The following SRGAP1 variants were observed in gnomAD, a reference collection of about 807,000 sequenced individuals.
SRGAP1 encodes the protein SLIT-ROBO Rho GTPase activating protein 1, also known as SLIT-ROBO Rho GTPase-activating protein 1.
SRGAP1 carries 43 observed loss-of-function variants against 121.9 expected under a neutral mutation model. The observed-to-expected ratio is 0.35, with a 90% CI of 0.28 to 0.46. SRGAP1 has a LOEUF of 0.46. Among genes scored for constraint, SRGAP1 ranks in the 20% least tolerant of loss-of-function variants. The pLI is 1.00. For missense variants in SRGAP1, 1,102 were observed against 1,350.9 expected, an observed-to-expected ratio of 0.82 and a Z score of 2.89; for synonymous variants, 447 against 485.4, an observed-to-expected ratio of 0.92 and a Z score of 1.04.
At chr12:63,916,356 A>C (rs1189448673) in intron 1 of SRGAP1, among the ~76,000 whole-genome samples, 1 of 152,132 alleles carries the variant, frequency 6.6e-6, no homozygotes, top group East Asian at 1.9e-4. Flanking sequence ...CTTCATTACA[A>C]ATCAGGCAGA....
chr12:63,921,886 TG>T (rs1478988349), intron 1 of SRGAP1, among the ~76,000 whole-genome samples: 1 of 152,194 alleles, frequency 6.6e-6, no homozygotes, highest in Non-Finnish European at 1.5e-5. Flanking sequence ...AAAAACTTGC[TG>T]GAAAGAGTCT....
intron 15 of SRGAP1, among the ~76,000 whole-genome samples, chr12:64,103,312 C>G (rs1159974143): frequency 6.6e-6 from 1 of 152,206 alleles, no homozygotes; most frequent in Non-Finnish European, 1.5e-5. Flanking sequence ...CCACGCCATA[C>G]TGGCTCTTCA....
At chr12:63,861,302 A>ATATATATAT (rs1184711599) in intron 1 of SRGAP1, among the ~76,000 whole-genome samples, 122 of 132,620 alleles carry the variant, frequency 9.2e-4, no homozygotes, top group East Asian at 4.8e-3. Flanking sequence ...ATATATATAT[A>ATATATATAT]TTTTTTTTTT....
At chr12:64,102,310 A>G (rs2036269181) in intron 15 of SRGAP1, among the ~76,000 whole-genome samples, 1 of 152,198 alleles carries the variant, frequency 6.6e-6, no homozygotes, top group Non-Finnish European at 1.5e-5. Flanking sequence ...AACAAATCGT[A>G]ATTTCTCTAC....
At position 64,111,775 on chromosome 12, in the gene SRGAP1, A is replaced by G; in HGVS notation, c.1933A>G (p.Ser645Gly). 1.2e-6 allele frequency: 2 copies of G among 1,611,914 alleles called. No individual in the cohort carries two copies. The highest frequency in any genetic ancestry group is 1.1e-5 in the South Asian group (1 of 90,890). The change falls in exon 17 of 22, where the codon AGC becomes GGC. Residue 645 changes from serine to glycine, a missense_variant. Transcript: ENST00000355086. ...TTCCTTTTGTAGTCTATCACAGTACAGCGATGAGAATATGATGGACCCTTA... is the reference window on the plus strand; with the variant it reads ...TTCCTTTTGTAGTCTATCACAGTACGGCGATGAGAATATGATGGACCCTTA... ...FAFLNHLSQY[S>G]DENMMDPYNL... is the part of the protein sequence containing the mutation.
intron 4 of SRGAP1, among the ~76,000 whole-genome samples, chr12:64,017,812 T>G (rs1250022474): frequency 1.3e-5 from 2 of 152,164 alleles, no homozygotes; most frequent in African/African-American, 4.8e-5. Context: ...TGCAATAATT[T>G]GCTTTTGTGA....
At chr12:63,910,419 A>G (rs1452409913) in intron 1 of SRGAP1, among the ~76,000 whole-genome samples, 4 of 152,132 alleles carry the variant, frequency 2.6e-5, no homozygotes, top group Non-Finnish European at 5.9e-5. Flanking sequence ...ATAATCTGCT[A>G]TTGTCTTTAG....
rs140559439 is a variant in SRGAP1, at chr12:64,030,950, T to C, written c.490-11840T>C. 2.2e-4 allele frequency among the ~76,000 whole-genome samples: 34 copies of C among 152,350 alleles called. No individual in the cohort carries two copies. The East Asian group carries it at 6.4e-3, about 28-fold the overall frequency. On this transcript the variant is annotated intron_variant, in intron 4 of 21. Transcript: ENST00000355086. ...TGGCATAGCACAGTGGACTCCTTGCTGTCTCAGGTCAACAGAACCAGAAGG... is the reference window on the plus strand; with the variant it reads ...TGGCATAGCACAGTGGACTCCTTGCCGTCTCAGGTCAACAGAACCAGAAGG...
At chr12:63,982,388 G>T (rs1380690425) in intron 1 of SRGAP1, 1 of 152,088 alleles carries the variant, frequency 6.6e-6, no homozygotes, top group African/African-American at 2.4e-5. Flanking sequence ...TTTGTAAAAT[G>T]GAAGATAATA....
intron 1 of SRGAP1, among the ~76,000 whole-genome samples, chr12:63,947,124 A>C (rs914293243): frequency 2.4e-4 from 37 of 152,206 alleles, no homozygotes; most frequent in African/African-American, 8.7e-4. Flanking sequence ...CATTATGTGG[A>C]TATCCTCTTT....
At chr12:63,856,257 T>A (rs1899246325) in intron 1 of SRGAP1, among the ~76,000 whole-genome samples, 2 of 67,560 alleles carry the variant, frequency 3.0e-5, no homozygotes, top group Admixed American at 2.9e-4. Flanking sequence ...CGTCTCTAAA[T>A]AAATAAATAA....
chr12:63,945,635 G>T (rs556579156), intron 1 of SRGAP1, among the ~76,000 whole-genome samples: 1 of 152,290 alleles, frequency 6.6e-6, no homozygotes, highest in Admixed American at 6.5e-5. Flanking sequence ...AATGTTGTAG[G>T]ATACTGTCAC....
At chr12:63,872,300 A>G (rs1440058485) in intron 1 of SRGAP1, among the ~76,000 whole-genome samples, 2 of 152,228 alleles carry the variant, frequency 1.3e-5, no homozygotes, top group African/African-American at 4.8e-5. Context: ...AGGAGAAAAC[A>G]TTTTGTAAAA....
chr12:63,957,603 G>T (rs907218423), intron 1 of SRGAP1, among the ~76,000 whole-genome samples: 2 of 152,098 alleles, frequency 1.3e-5, no homozygotes, highest in Non-Finnish European at 2.9e-5. Flanking sequence ...TCTATAAAAT[G>T]CTGCTCGTCC....
intron 1 of SRGAP1, among the ~76,000 whole-genome samples, chr12:63,907,078 A>G (rs2030248806): frequency 6.6e-6 from 1 of 152,126 alleles, no homozygotes; most frequent in African/African-American, 2.4e-5. Context: ...ACTTGTTATT[A>G]TCTGACTTTT....
intron 1 of SRGAP1, among the ~76,000 whole-genome samples, chr12:63,857,444 TG>T (rs1425548482): frequency 6.6e-6 from 1 of 151,738 alleles, no homozygotes; most frequent in Non-Finnish European, 1.5e-5. Context: ...TGCAGTGGCA[TG>T]GTCTCGGCTC....
At chr12:64,131,534 G>T (rs985550977) in intron 21 of SRGAP1, among the ~76,000 whole-genome samples, 1 of 152,190 alleles carries the variant, frequency 6.6e-6, no homozygotes, top group Non-Finnish European at 1.5e-5. Context: ...TCCACTTTCG[G>T]GTGGTGCCTG....
rs2037208538 is a variant in SRGAP1 at position 64,161,416 on chromosome 12, A to G, written c.*18744A>G. 1 of 152,152 alleles carries G rather than the reference A, an allele frequency of 6.6e-6. No homozygotes were observed. Among genetic ancestry groups the G allele is most frequent in the Non-Finnish European group, 1.5e-5 (1 of 68,032 alleles). The allele number at this position is 152,152 out of a possible 1,614,324, so 9.4% of individuals were successfully genotyped here. A position where few individuals can be genotyped will look rare whatever the true frequency, so the allele number is the denominator to read the frequency against. ...GACTTTTTGCTCTATTTTCAGGGAA[A>G]TATCCTCAACTTTATCTGCTAACTC... On this transcript the variant is annotated 3_prime_UTR_variant, in exon 22 of 22. Transcript: ENST00000355086.
chr12:63,855,477 T>TTG (rs1565922037), intron 1 of SRGAP1, among the ~76,000 whole-genome samples: 18 of 63,022 alleles, frequency 2.9e-4, no homozygotes, highest in Non-Finnish European at 4.6e-4. Context: ...AATGGTGTTT[T>TTG]TTTTTTTTTT....
Sources: gnomAD v4.1 joint callset for allele counts (sites outside exome capture counted in the v4.1 genomes callset) on GRCh38, gnomAD v4.1.1 for gene constraint, MANE v1.5 for transcripts, NCBI Gene and HGNC (gene_info 2026-07-23, HGNC 2026-07-21) for gene names.